ZSCAN12: variants seen among roughly 807,000 people sequenced by gnomAD.
ZSCAN12 encodes the protein zinc finger and SCAN domain containing 12, also known as zinc finger and SCAN domain-containing protein 12.
ZSCAN12 carries 18 observed loss-of-function variants against 23.4 expected under a neutral mutation model. The observed-to-expected ratio is 0.77, with a 90% CI of 0.53 to 1.14. ZSCAN12 has a LOEUF of 1.14. Ranked by LOEUF, ZSCAN12 falls within the 50% of genes most tolerant of loss-of-function variation. The pLI is 0.00. For synonymous variants in ZSCAN12, 186 were observed against 253.4 expected, an observed-to-expected ratio of 0.73 and a Z score of 2.53; for missense variants, 650 against 735.0, an observed-to-expected ratio of 0.88 and a Z score of 1.34.
At chr6:28,394,420 A>G (rs527408668) in intron 2 of ZSCAN12, among the ~76,000 whole-genome samples, 56 of 152,170 alleles carry the variant, frequency 3.7e-4, no homozygotes, top group Admixed American at 2.2e-3. Context: ...TCCCTGATAC[A>G]TTTTCATTTT....
rs534278807 is a variant in ZSCAN12 at position 28,388,883 on chromosome 6, G to C, written c.*1571C>G. 6.8e-4 allele frequency among the ~76,000 whole-genome samples: 103 copies of C among 152,276 alleles called. No individual in the cohort carries two copies. Among genetic ancestry groups the C allele is most frequent in the African/African-American group, 2.4e-3 (98 of 41,562 alleles). ...TAAGAATGATTTCTGTAAATAAAAA[G>C]ACAGATCAGGAGCCATGTGTACTTC... On this transcript the variant is annotated 3_prime_UTR_variant, in exon 4 of 4. Coordinates refer to ENST00000684592, the MANE Select transcript of ZSCAN12 (RefSeq NM_001163391.2).
At position 28,389,752 on chromosome 6, in the gene ZSCAN12, T is replaced by C. The variant is rs754857468; in HGVS notation, c.*702A>G. On this transcript the variant is annotated 3_prime_UTR_variant, in exon 4 of 4. Coordinates refer to ENST00000684592, the MANE Select transcript of ZSCAN12 (RefSeq NM_001163391.2). ...GATTATAGCTATGTTGCCATCTCCA[T>C]AGGCAAGAGTATTCTCATTTTTAAA... 2.6e-5 allele frequency among the ~76,000 whole-genome samples: 4 copies of C among 152,212 alleles called. No individual in the cohort carries two copies. The highest frequency in any genetic ancestry group is 5.9e-5 in the Non-Finnish European group (4 of 68,038).
At chr6:28,382,617 A>G, downstream of ZSCAN12, 2 of 1,551,204 alleles carry the variant, frequency 1.3e-6, no homozygotes, top group South Asian at 2.4e-5. Context: ...TTCCTGAGGC[A>G]TAAAATAACA....
downstream of ZSCAN12, chr6:28,381,111 C>T (rs1760212001): frequency 6.6e-6 from 1 of 151,992 alleles, no homozygotes; most frequent in Non-Finnish European, 1.5e-5. Context: ...GAAGACTTTT[C>T]ACAAAAATGT....
Position 28,391,745 on chromosome 6 carries a change from AAG to A in ZSCAN12, c.548-5_548-4del. 6.6e-7 allele frequency: 1 copy of A among 1,510,614 alleles called. No individual in the cohort carries two copies. The highest frequency in any genetic ancestry group is 8.8e-7 in the Non-Finnish European group (1 of 1,134,042). 93.6% of individuals were successfully genotyped at this position (1,510,614 alleles called of 1,614,324 possible). ...ATTTCCAGTCTCAACATCTAAAACT[AAG>A]AAGGGATCATAAATGTTACCTCTTT... On this transcript the variant is annotated splice_polypyrimidine_tract_variant and splice_region_variant and intron_variant, in intron 3 of 3. Coordinates refer to ENST00000684592, the MANE Select transcript of ZSCAN12 (RefSeq NM_001163391.2). The surrounding 1 kb of genome is among the most constrained non-coding windows in gnomAD (Gnocchi z 4.1).
chr6:28,395,683 C>G (rs968219026), intron 2 of ZSCAN12, among the ~76,000 whole-genome samples: 1 of 152,210 alleles, frequency 6.6e-6, no homozygotes, highest in African/African-American at 2.4e-5. Context: ...TCTCAGAATA[C>G]AATTCGAAAT....
At chr6:28,398,523 C>T in intron 1 of ZSCAN12, 50 bp from the exon 2 acceptor site, 1 of 1,067,580 alleles carries the variant, frequency 9.4e-7, no homozygotes, top group Non-Finnish European at 1.3e-6. Context: ...TAAAGTAAAA[C>T]TGCAAATTCT....
At chr6:28,380,024 C>T (rs1244803641), downstream of ZSCAN12, 1 of 152,150 alleles carries the variant, frequency 6.6e-6, no homozygotes, top group Non-Finnish European at 1.5e-5. Context: ...CACATATAGA[C>T]CCCTCTGGAA....
downstream of ZSCAN12, chr6:28,382,488 A>C: frequency 6.4e-7 from 1 of 1,551,908 alleles, no homozygotes; most frequent in Non-Finnish European, 8.7e-7. Flanking sequence ...ATCAGTCACT[A>C]TTAGAGATCT....
Position 28,391,622 on chromosome 6 carries a change from CA to C in ZSCAN12, c.667del (p.Cys223ValfsTer10). The stretch of plus-strand genomic sequence containing the variant: ...TTCTTCAGGTTCACGAGTTTCTCCA[CA>C]CCTAGCAGACTTGGACATATCATTT... The part of the protein sequence containing the change: ...FENDMSKSAR[C>X]GETREPEEIT... On this transcript the variant is annotated frameshift_variant, in exon 4 of 4. Coordinates refer to ENST00000684592, the MANE Select transcript of ZSCAN12 (RefSeq NM_001163391.2). LOFTEE classifies it low-confidence loss of function (END_TRUNC). The surrounding 1 kb of genome is among the most constrained non-coding windows in gnomAD (Gnocchi z 4.1). 5.2e-6 allele frequency: 8 copies of C among 1,552,234 alleles called. No individual in the cohort carries two copies. The highest frequency in any genetic ancestry group is 7.0e-6 in the Non-Finnish European group (8 of 1,147,114).
rs1760718345 is a variant in ZSCAN12, at chr6:28,389,653, G to T, written c.*801C>A. Among the ~76,000 whole-genome samples, 1 of 152,154 alleles carries T rather than the reference G, an allele frequency of 6.6e-6. No homozygotes were observed. Among genetic ancestry groups the T allele is most frequent in the African/African-American group, 2.4e-5 (1 of 41,440 alleles). On this transcript the variant is annotated 3_prime_UTR_variant, in exon 4 of 4. Coordinates refer to ENST00000684592, the MANE Select transcript of ZSCAN12 (RefSeq NM_001163391.2). ...ATTTTGATGTTCATCAAAGTTGGAG[G>T]ATCACTAGAGTAATGGCCAGGACTA...
chr6:28,393,472 T>TA (rs35790801), intron 2 of ZSCAN12, among the ~76,000 whole-genome samples: 12,563 of 111,786 alleles, frequency 0.11, 642 homozygotes, highest in South Asian at 0.28. Context: ...AGAGAAATGA[T>TA]AAAAAAAAAA....
Position 28,385,344 on chromosome 6 carries a change from GA to G in ZSCAN12, c.*5109del, listed in dbSNP as rs1475189840. 1.3e-5 allele frequency among the ~76,000 whole-genome samples: 2 copies of G among 152,210 alleles called. No individual in the cohort carries two copies. The highest frequency in any genetic ancestry group is 2.9e-5 in the Non-Finnish European group (2 of 68,022). ...GACACCCTCACTGTGCAGGCAACAA[GA>G]AGTAGAGCTGTTTATGCTGGCCAAA... is the stretch of plus-strand genomic sequence containing the variant. On this transcript the variant is annotated 3_prime_UTR_variant, in exon 4 of 4. Coordinates refer to ENST00000684592, the MANE Select transcript of ZSCAN12 (RefSeq NM_001163391.2).
At chr6:28,398,759 T>C (rs796365572) in intron 1 of ZSCAN12, among the ~76,000 whole-genome samples, 8 of 29,766 alleles carry the variant, frequency 2.7e-4, no homozygotes, top group Admixed American at 3.4e-4. Flanking sequence ...CTACTAAAAA[T>C]ACAAAAAAAA....
downstream of ZSCAN12, chr6:28,382,274 T>C: frequency 1.8e-6 from 1 of 567,060 alleles, no homozygotes; most frequent in Non-Finnish European, 2.7e-6. Context: ...CAGGAACTAC[T>C]GGCAAAGCTT....
At position 28,384,745 on chromosome 6, in the gene ZSCAN12, T is replaced by TAC. The variant is rs1414196093; in HGVS notation, c.*5707_*5708dup. Among the ~76,000 whole-genome samples, 1 of 152,220 alleles carries TAC rather than the reference T, an allele frequency of 6.6e-6. No homozygotes were observed. Among genetic ancestry groups the TAC allele is most frequent in the Non-Finnish European group, 1.5e-5 (1 of 68,042 alleles). ...CACAAAAATATTCATACATACTTTT[T>TAC]ACACATTTATATATATATGTAGAAA... On this transcript the variant is annotated 3_prime_UTR_variant, in exon 4 of 4. Coordinates refer to ENST00000684592, the MANE Select transcript of ZSCAN12 (RefSeq NM_001163391.2).
chr6:28,384,562 A>G (rs141370741), downstream of ZSCAN12, among the ~76,000 whole-genome samples: 46 of 152,308 alleles, frequency 3.0e-4, 3 homozygotes, highest in East Asian at 8.9e-3. Context: ...TCTCTTCAAG[A>G]GATGAAATCA....
At chr6:28,381,585 G>C (rs1223031672), downstream of ZSCAN12, 5 of 152,156 alleles carry the variant, frequency 3.3e-5, no homozygotes, top group African/African-American at 1.2e-4. Context: ...TAGATAATGA[G>C]AAGGAGATGA....
Position 28,390,577 on chromosome 6 carries a change from G to C in ZSCAN12, c.1713C>G (p.His571Gln), listed in dbSNP as rs1348795156. 10 of 1,595,474 alleles carry C rather than the reference G, an allele frequency of 6.3e-6. No individual in the cohort carries two copies. Among genetic ancestry groups the C allele is most frequent in the Non-Finnish European group, 8.5e-6 (10 of 1,170,768 alleles). ...TACCACGTCTATTATGGATTCTCTGGTGTTTACTAAGATCTGACCTCTGTC... is the reference window on the plus strand; with the variant it reads ...TACCACGTCTATTATGGATTCTCTGCTGTTTACTAAGATCTGACCTCTGTC... ...AFRQRSDLSKHQRIHNRRGTY... is the reference protein window; with the variant it reads ...AFRQRSDLSKQQRIHNRRGTY... Residue 571 changes from histidine to glutamine, a missense_variant, in exon 4 of 4, where the codon CAC becomes CAG. Physicochemically the swap from His to Gln is conservative, Grantham distance 24 (BLOSUM62 0). Coordinates refer to ENST00000684592, the MANE Select transcript of ZSCAN12 (RefSeq NM_001163391.2).
Sources: allele counts gnomAD v4.1 joint callset (sites outside exome capture counted in the v4.1 genomes callset), GRCh38; gene constraint gnomAD v4.1.1; non-coding constraint Gnocchi (gnomAD v3.1); transcripts MANE v1.5; gene names NCBI Gene and HGNC (gene_info 2026-07-23, HGNC 2026-07-21).